ANKS1B: variants seen among roughly 807,000 people sequenced by gnomAD.
ANKS1B encodes the protein ankyrin repeat and sterile alpha motif domain containing 1B, also known as ankyrin repeat and sterile alpha motif domain-containing protein 1B.
In ANKS1B, 36 loss-of-function variants were observed where a neutral mutation model predicts 148.3. The ratio of observed to expected loss-of-function variants is 0.24; its 90% CI spans 0.19 to 0.32. The LOEUF (loss-of-function observed/expected upper bound fraction) is 0.32, where lower values mean the gene tolerates loss of function less well. Ranked by LOEUF, ANKS1B falls within the 10% of genes least tolerant of loss-of-function variation. The pLI is 1.00. For missense variants in ANKS1B, 1,157 were observed against 1,542.6 expected, an observed-to-expected ratio of 0.75 and a Z score of 4.19; for synonymous variants, 542 against 560.8, an observed-to-expected ratio of 0.97 and a Z score of 0.47.
At chr12:99,641,999 G>C (rs992761052) in intron 9 of ANKS1B, among the ~76,000 whole-genome samples, 3 of 152,106 alleles carry the variant, frequency 2.0e-5, no homozygotes, top group African/African-American at 4.8e-5. Context: ...ATATAAGTGA[G>C]ACAAGGAACG....
intron 12 of ANKS1B, among the ~76,000 whole-genome samples, chr12:99,388,745 C>T (rs1295164575): frequency 6.6e-6 from 1 of 152,192 alleles, no homozygotes; most frequent in Admixed American, 6.5e-5. Flanking sequence ...AGCTCACAGA[C>T]TGTTGGCCCA....
At chr12:99,024,697 A>G (rs1026983376) in intron 17 of ANKS1B, among the ~76,000 whole-genome samples, 3 of 152,210 alleles carry the variant, frequency 2.0e-5, no homozygotes, top group Non-Finnish European at 4.4e-5. Context: ...CTTGCTGTAA[A>G]GAGACCGCCC....
chr12:99,909,865 G>A (rs1233138224), intron 1 of ANKS1B, among the ~76,000 whole-genome samples: 1 of 151,498 alleles, frequency 6.6e-6, no homozygotes, highest in African/African-American at 2.4e-5. Flanking sequence ...TTTGGGTAAT[G>A]TTAGGTACAT....
intron 9 of ANKS1B, among the ~76,000 whole-genome samples, chr12:99,548,336 C>G (rs1260314814): frequency 6.6e-6 from 1 of 151,534 alleles, no homozygotes; most frequent in Non-Finnish European, 1.5e-5. Context: ...CCAAATGGCC[C>G]TTTCCCTTTT....
At position 98,758,114 on chromosome 12, in the gene ANKS1B, C is replaced by T. The variant is rs75768216; in HGVS notation, c.3580-6592G>A. Among the ~76,000 whole-genome samples the T allele has an allele frequency of 7.1e-3, 1,075 of 152,146 alleles. 13 individuals are homozygous for T. Among genetic ancestry groups the T allele is most frequent in the African/African-American group, 0.022 (917 of 41,508 alleles). ...ATATTATTTAACCAAATGGCAATAC[C>T]GGCTAGCATTTATTATTTACTATGT... On this transcript the variant is annotated intron_variant, in intron 25 of 26. Coordinates refer to ENST00000683438, the MANE Select transcript of ANKS1B (RefSeq NM_001352186.2).
intron 9 of ANKS1B, among the ~76,000 whole-genome samples, chr12:99,594,478 T>C (rs2097736730): frequency 6.6e-6 from 1 of 152,054 alleles, no homozygotes; most frequent in African/African-American, 2.4e-5. Flanking sequence ...AACAGATGAA[T>C]ATTTTCATCA....
chr12:98,899,438 G>T (rs2099769097), intron 17 of ANKS1B, among the ~76,000 whole-genome samples: 1 of 152,184 alleles, frequency 6.6e-6, no homozygotes, highest in Non-Finnish European at 1.5e-5. Context: ...TAATCTAGGT[G>T]TTTCTGTGAA....
At chr12:98,749,595 C>T (rs535230890) in intron 26 of ANKS1B, among the ~76,000 whole-genome samples, 2 of 152,210 alleles carry the variant, frequency 1.3e-5, no homozygotes, top group African/African-American at 4.8e-5. Flanking sequence ...ATGAAGTCAG[C>T]CATGCAGAAA....
intron 8 of ANKS1B, among the ~76,000 whole-genome samples, chr12:99,701,807 G>A (rs2054875715): frequency 6.6e-6 from 1 of 151,970 alleles, no homozygotes; most frequent in African/African-American, 2.4e-5. Context: ...GTCTTTCTGT[G>A]CCTGGCTTAT....
At chr12:99,586,266 C>T (rs1360637619) in intron 9 of ANKS1B, among the ~76,000 whole-genome samples, 1 of 152,186 alleles carries the variant, frequency 6.6e-6, no homozygotes, top group Non-Finnish European at 1.5e-5. Context: ...GTTCCAAGCT[C>T]CACAGATCTC....
At chr12:99,107,111 A>G (rs1318818491) in intron 15 of ANKS1B, among the ~76,000 whole-genome samples, 1 of 151,852 alleles carries the variant, frequency 6.6e-6, no homozygotes, top group East Asian at 1.9e-4. Flanking sequence ...TAGTGAAAAT[A>G]TATAAATTAA....
intron 14 of ANKS1B, among the ~76,000 whole-genome samples, chr12:99,166,405 A>G (rs651548): frequency 0.55 from 83,019 of 151,582 alleles, 23,846 homozygotes; most frequent in Non-Finnish European, 0.63. Flanking sequence ...AACTACAAGA[A>G]ATAATAAGTG....
At chr12:99,154,191 C>A in intron 15 of ANKS1B, 98 bp downstream of exon 15, 2 of 1,458,216 alleles carry the variant, frequency 1.4e-6, no homozygotes, top group Middle Eastern at 1.8e-4. Context: ...TAAATCTGAC[C>A]AGTTTTGGTG....
chr12:99,588,536 C>T (rs953072791), intron 9 of ANKS1B, among the ~76,000 whole-genome samples: 3 of 151,984 alleles, frequency 2.0e-5, no homozygotes, highest in African/African-American at 7.3e-5. Flanking sequence ...CCTGCCTCAG[C>T]CTCCTGAGTA....
intron 15 of ANKS1B, among the ~76,000 whole-genome samples, chr12:99,121,874 C>T (rs1049667790): frequency 5.9e-5 from 9 of 152,280 alleles, no homozygotes; most frequent in African/African-American, 1.7e-4. Flanking sequence ...TGAGCTGATA[C>T]GGGTGTTGGG....
At chr12:99,416,005 C>T (rs564417806) in intron 11 of ANKS1B, among the ~76,000 whole-genome samples, 2 of 152,180 alleles carry the variant, frequency 1.3e-5, no homozygotes, top group South Asian at 2.1e-4. Flanking sequence ...TATAGCTACA[C>T]TCACTTCTCT....
intron 10 of ANKS1B, among the ~76,000 whole-genome samples, chr12:99,460,567 T>C (rs1168426835): frequency 6.6e-6 from 1 of 151,570 alleles, no homozygotes; most frequent in Admixed American, 6.6e-5. Flanking sequence ...AAAAACAGTC[T>C]CATCAAAAAT....
intron 17 of ANKS1B, among the ~76,000 whole-genome samples, chr12:99,003,373 A>G (rs1375334081): frequency 1.3e-5 from 2 of 152,168 alleles, no homozygotes; most frequent in African/African-American, 4.8e-5. Flanking sequence ...AAAAAATGCC[A>G]TCGAGATTTT....
chr12:98,830,380 T>C (rs554721806), intron 18 of ANKS1B, among the ~76,000 whole-genome samples: 2 of 152,208 alleles, frequency 1.3e-5, no homozygotes, highest in South Asian at 2.1e-4. Flanking sequence ...CCCCCAGTAA[T>C]TAATTAAACC....
Sources: gnomAD v4.1 joint callset for allele counts (sites outside exome capture counted in the v4.1 genomes callset) on GRCh38, gnomAD v4.1.1 for gene constraint, MANE v1.5 for transcripts, NCBI Gene and HGNC (gene_info 2026-07-23, HGNC 2026-07-21) for gene names.